Variants in GSG1L observed in about 807,000 individuals in gnomAD.
GSG1L encodes GSG1 like, also known as germ cell-specific gene 1-like protein.
GSG1L carries 24 observed loss-of-function variants against 42.1 expected under a neutral mutation model. The observed-to-expected ratio is 0.57, with a 90% CI of 0.41 to 0.80. The LOEUF (loss-of-function observed/expected upper bound fraction) is 0.80. Among genes scored for constraint, GSG1L ranks in the 30% least tolerant of loss-of-function variants. GSG1L has a pLI of 0.00. For missense variants in GSG1L, 445 were observed against 472.2 expected (o/e 0.94, Z 0.53); for synonymous variants, 215 against 203.5 (o/e 1.06, Z -0.48).
At chr16:28,036,518 C>A (rs1204943686) in intron 1 of GSG1L, among the ~76,000 whole-genome samples, 1 of 152,220 alleles carries the variant, frequency 6.6e-6, no homozygotes, top group Non-Finnish European at 1.5e-5. Flanking sequence ...GGGCCCTCCA[C>A]TGGGATTCCA....
chr16:27,820,731 A>G (rs1429601762), intron 5 of GSG1L, among the ~76,000 whole-genome samples: 1 of 152,106 alleles, frequency 6.6e-6, no homozygotes, highest in Admixed American at 6.5e-5. Flanking sequence ...GCATCAAGGA[A>G]GGGGGCTTTG....
intron 1 of GSG1L, among the ~76,000 whole-genome samples, chr16:27,987,743 T>C (rs900618105): frequency 2.0e-5 from 3 of 151,944 alleles, no homozygotes; most frequent in Non-Finnish European, 4.4e-5. Flanking sequence ...GGTCAGGAAA[T>C]CGAGACCATC....
At chr16:27,817,341 G>A (rs962725665) in intron 5 of GSG1L, among the ~76,000 whole-genome samples, 4 of 152,158 alleles carry the variant, frequency 2.6e-5, no homozygotes, top group African/African-American at 9.7e-5. Flanking sequence ...TTCCATCTGT[G>A]CCATCCTCAA....
At chr16:28,017,932 T>C (rs183914602) in intron 1 of GSG1L, among the ~76,000 whole-genome samples, 66 of 152,350 alleles carry the variant, frequency 4.3e-4, no homozygotes, top group African/African-American at 1.3e-3. Context: ...GACTTGGTAA[T>C]GTTCTAATCC....
intron 1 of GSG1L, among the ~76,000 whole-genome samples, chr16:28,028,440 G>A (rs1462111547): frequency 2.6e-5 from 4 of 151,890 alleles, no homozygotes; most frequent in Admixed American, 6.6e-5. Context: ...TACGATTCCC[G>A]AGTGTAAACT....
chr16:27,893,947 C>T (rs956422430), intron 2 of GSG1L, among the ~76,000 whole-genome samples: 4 of 152,150 alleles, frequency 2.6e-5, no homozygotes, highest in African/African-American at 4.8e-5. Flanking sequence ...GAGACAAGGT[C>T]GCACCCTGTT....
At position 27,794,821 on chromosome 16, in the gene GSG1L, G is replaced by A. The variant is rs1172898663; in HGVS notation, c.899-3354C>T. Among the ~76,000 whole-genome samples, 3 of 152,262 alleles carry A rather than the reference G, an allele frequency of 2.0e-5. No homozygotes were observed. The East Asian group carries it at 5.8e-4, about 30-fold the overall frequency. On this transcript the variant is annotated intron_variant, in intron 6 of 6. Transcript: ENST00000447459. ...TTCCATGATTCTGTTCCATGGCTTT[G>A]CATAGGCTGATCCCCTAGGTGGGAG...
At chr16:27,869,803 G>C (rs369082704) in intron 3 of GSG1L, among the ~76,000 whole-genome samples, 3 of 82,980 alleles carry the variant, frequency 3.6e-5, no homozygotes, top group African/African-American at 1.0e-4. Context: ...CTTTGTCTCT[G>C]TCTCCCTCCA....
chr16:27,946,006 G>T (rs987524738), intron 2 of GSG1L, among the ~76,000 whole-genome samples: 1 of 152,334 alleles, frequency 6.6e-6, no homozygotes, highest in Admixed American at 6.5e-5. Context: ...GGGCCTCCCC[G>T]CCAGGTCAGA....
At chr16:27,821,740 A>T (rs1265745443) in intron 5 of GSG1L, among the ~76,000 whole-genome samples, 2 of 151,868 alleles carry the variant, frequency 1.3e-5, no homozygotes, top group African/African-American at 4.8e-5. Context: ...CTCTACTAAA[A>T]AAATACAAAA....
chr16:27,904,537 C>T (rs766873397), intron 2 of GSG1L, among the ~76,000 whole-genome samples: 35 of 152,050 alleles, frequency 2.3e-4, no homozygotes, highest in Non-Finnish European at 4.0e-4. Context: ...GAATGTAAAT[C>T]GAATCTCCCC....
chr16:27,992,754 C>A (rs2085469866), intron 1 of GSG1L, among the ~76,000 whole-genome samples: 1 of 152,134 alleles, frequency 6.6e-6, no homozygotes, highest in Non-Finnish European at 1.5e-5. Context: ...GAGATGGAAG[C>A]AGGAATTTAG....
chr16:28,057,624 T>C (rs986775649), intron 1 of GSG1L, among the ~76,000 whole-genome samples: 1 of 152,138 alleles, frequency 6.6e-6, no homozygotes. Context: ...AGATACACGG[T>C]TCAGATGTGA....
chr16:28,021,121 T>C (rs2141165787), intron 1 of GSG1L, among the ~76,000 whole-genome samples: 1 of 152,282 alleles, frequency 6.6e-6, no homozygotes, highest in Admixed American at 6.5e-5. Context: ...GGGTAATTTA[T>C]AAAGGAAAGA....
intron 3 of GSG1L, among the ~76,000 whole-genome samples, chr16:27,881,238 CT>C (rs149874320): frequency 0.028 from 3,017 of 106,898 alleles, 58 homozygotes; most frequent in African/African-American, 0.094. Context: ...AAGTATCATA[CT>C]TTTTTTTTTT....
Position 27,859,553 on chromosome 16 carries a change from G to T in GSG1L, c.551-14492C>A, listed in dbSNP as rs369635729. ...GGCATCTCATGCGTCTCACTGCCTG[G>T]CCCAGACATCACTGTCTTTGCTCCC... On this transcript the variant is annotated intron_variant, in intron 3 of 6. Coordinates refer to ENST00000447459, the MANE Select transcript of GSG1L (RefSeq NM_001109763.2). Among the ~76,000 whole-genome samples, 4 of 152,236 alleles carry T rather than the reference G, an allele frequency of 2.6e-5. No homozygotes were observed. In the South Asian group the frequency reaches 8.3e-4, roughly 32 times the overall value.
intron 2 of GSG1L, among the ~76,000 whole-genome samples, chr16:27,956,684 A>G (rs1006239937): frequency 6.6e-6 from 1 of 152,110 alleles, no homozygotes; most frequent in South Asian, 2.1e-4. Flanking sequence ...TCCACCAAGC[A>G]CCTACTATCC....
At chr16:27,949,431 C>T (rs1216020344) in intron 2 of GSG1L, among the ~76,000 whole-genome samples, 1 of 152,168 alleles carries the variant, frequency 6.6e-6, no homozygotes, top group Non-Finnish European at 1.5e-5. Context: ...TGAAAATGAA[C>T]AGCCCTTCGT....
intron 2 of GSG1L, among the ~76,000 whole-genome samples, chr16:27,927,833 G>A (rs9930232): frequency 0.7 from 106,560 of 151,918 alleles, 37,420 homozygotes; most frequent in Admixed American, 0.76. Flanking sequence ...AAGGAGCATC[G>A]ATGCCCACAC....
Sources: gnomAD v4.1 joint callset for allele counts (sites outside exome capture counted in the v4.1 genomes callset) on GRCh38, gnomAD v4.1.1 for gene constraint, MANE v1.5 for transcripts, NCBI Gene and HGNC (gene_info 2026-07-23, HGNC 2026-07-21) for gene names.